Variants in LYRM7 observed in about 807,000 individuals in gnomAD.
The protein encoded by LYRM7 is LYR motif containing 7.
Under a neutral mutation model 15.8 loss-of-function variants are expected in LYRM7, and 9 were observed. The ratio of observed to expected loss-of-function variants is 0.57; its 90% CI spans 0.34 to 0.99. LYRM7 has a LOEUF of 0.99. LYRM7 is among the 50% of genes least tolerant of loss of function. LYRM7 has a pLI of 0.02. For missense variants in LYRM7, 115 were observed against 119.1 expected (o/e 0.97, Z 0.16); for synonymous variants, 39 against 39.4 (o/e 0.99, Z 0.04).
chr5:131,200,886 A>G lies in LYRM7; in HGVS notation c.*1285A>G, dbSNP rs1377128727. The G allele has an allele frequency of 6.6e-6, 1 of 151,892 alleles. No individual in the cohort carries two copies. Among genetic ancestry groups the G allele is most frequent in the Non-Finnish European group, 1.5e-5 (1 of 67,998 alleles). The allele number at this position is 151,892 out of a possible 1,614,324, so 9.4% of individuals were successfully genotyped here. A position where few individuals can be genotyped will look rare whatever the true frequency, so the allele number is the denominator to read the frequency against. ...TTTTATCACTGAGCTTTTTTCTTTA[A>G]CCTGAATTCCCTGTTCCATTTTTCA... On this transcript the variant is annotated 3_prime_UTR_variant, in exon 5 of 5. Transcript: ENST00000379380.
chr5:131,198,416 T>G (rs1756004838), intron 4 of LYRM7, among the ~76,000 whole-genome samples: 1 of 152,198 alleles, frequency 6.6e-6, no homozygotes, highest in Non-Finnish European at 1.5e-5. Flanking sequence ...CCTTCAGTCT[T>G]TCTTCGTCTT....
chr5:131,178,105 A>T (rs1755629708), intron 1 of LYRM7, among the ~76,000 whole-genome samples: 1 of 152,030 alleles, frequency 6.6e-6, no homozygotes, highest in African/African-American at 2.4e-5. Context: ...TTTTATTTTT[A>T]AATTTTTTTG....
At chr5:131,175,749 G>GGTTTGGTTTGGTTTTGTTTT (rs138957867) in intron 1 of LYRM7, among the ~76,000 whole-genome samples, 1 of 150,990 alleles carries the variant, frequency 6.6e-6, no homozygotes, top group African/African-American at 2.5e-5. Flanking sequence ...TGCCCAGGCT[G>GGTTTGGTTTGGTTTTGTTTT]GTTTTGTTTT....
Position 131,192,484 on chromosome 5 carries a change from T to C in LYRM7, c.244+5375T>C, listed in dbSNP as rs181100191. On this transcript the variant is annotated intron_variant, in intron 4 of 4. Coordinates refer to ENST00000379380, the MANE Select transcript of LYRM7 (RefSeq NM_181705.4). ...TCATAGATATGCTAATTACCCTGATTTGATCATCACACATATACATGCATT... is the reference window on the plus strand; with the variant it reads ...TCATAGATATGCTAATTACCCTGATCTGATCATCACACATATACATGCATT... Among the ~76,000 whole-genome samples the C allele has an allele frequency of 4.6e-5, 7 of 152,346 alleles. No individual in the cohort carries two copies. The East Asian group carries it at 1.3e-3, about 29-fold the overall frequency.
chr5:131,176,884 T>C lies in LYRM7; in HGVS notation c.19-3211T>C, dbSNP rs979917909. On this transcript the variant is annotated intron_variant, in intron 1 of 4. Transcript: ENST00000379380. ...TCTCCAGCAGCTGCTGCAAAGGACA[T>C]GATTTCATTCTTTTTTAGTATTCTA... is the stretch of plus-strand genomic sequence containing the variant. 2.0e-5 allele frequency among the ~76,000 whole-genome samples: 3 copies of C among 152,310 alleles called. No individual in the cohort carries two copies. The East Asian group carries it at 5.8e-4, about 29-fold the overall frequency.
chr5:131,196,265 C>T (rs1755964015), intron 4 of LYRM7, among the ~76,000 whole-genome samples: 1 of 151,934 alleles, frequency 6.6e-6, no homozygotes, highest in African/African-American at 2.4e-5. Flanking sequence ...AATCCAACCA[C>T]CTCGGCCTCC....
Position 131,170,990 on chromosome 5 carries a change from T to C in LYRM7, c.-31T>C. On this transcript the variant is annotated 5_prime_UTR_variant, in exon 1 of 5. Transcript: ENST00000379380. ...CTGAGAGGCGGGGCTACTCGACTGCTCTGGAGGTAGCGGCCGCGGTGAGGA... is the reference window on the plus strand; with the variant it reads ...CTGAGAGGCGGGGCTACTCGACTGCCCTGGAGGTAGCGGCCGCGGTGAGGA... 6.5e-7 allele frequency: 1 copy of C among 1,539,422 alleles called. No homozygotes were observed. Among genetic ancestry groups the C allele is most frequent in the Non-Finnish European group, 8.7e-7 (1 of 1,147,748 alleles).
chr5:131,175,197 CTTTT>C (rs59140330), intron 1 of LYRM7, among the ~76,000 whole-genome samples: 5 of 125,602 alleles, frequency 4.0e-5, no homozygotes, highest in East Asian at 2.2e-4. Context: ...GCTTCAATCT[CTTTT>C]TTTTTTTTTT....
chr5:131,178,604 T>C (rs1255600322), intron 1 of LYRM7, among the ~76,000 whole-genome samples: 1 of 152,220 alleles, frequency 6.6e-6, no homozygotes, highest in Non-Finnish European at 1.5e-5. Context: ...TCTCTCTTTT[T>C]ATTTTTTTCA....
intron 1 of LYRM7, chr5:131,171,557 G>A (rs1755522882): frequency 6.6e-6 from 1 of 152,406 alleles, no homozygotes; most frequent in Non-Finnish European, 1.5e-5. Flanking sequence ...CACTGAATGA[G>A]CTTGGGATGT....
At position 131,181,337 on chromosome 5, in the gene LYRM7, A is replaced by ATAACATATATGTTATATATATAT. The variant is rs1314446316; in HGVS notation, c.92-881_92-859dup. ...TATATACACACACACACACATATATATAACATATATGTTATATATATATTA... is the reference window on the plus strand; with the variant it reads ...TATATACACACACACACACATATATATAACATATATGTTATATATATATTAACATATATGTTATATATATATTA... On this transcript the variant is annotated intron_variant, in intron 2 of 4. Coordinates refer to ENST00000379380, the MANE Select transcript of LYRM7 (RefSeq NM_181705.4). 2.6e-5 allele frequency among the ~76,000 whole-genome samples: 2 copies of ATAACATATATGTTATATATATAT among 77,910 alleles called. 1 individual carries two copies. Among genetic ancestry groups the ATAACATATATGTTATATATATAT allele is most frequent in the African/African-American group, 1.4e-4 (2 of 14,192 alleles). 51.1% of individuals were successfully genotyped at this position (77,910 alleles called of 152,430 possible). A position where few individuals can be genotyped will look rare whatever the true frequency, so the allele number is the denominator to read the frequency against.
intron 1 of LYRM7, among the ~76,000 whole-genome samples, chr5:131,179,591 C>T (rs1459103454): frequency 6.6e-6 from 1 of 151,038 alleles, no homozygotes; most frequent in Non-Finnish European, 1.5e-5. Flanking sequence ...ACTTCAGCCG[C>T]CCAAGTAGCT....
chr5:131,185,098 T>A (rs1755776726), intron 3 of LYRM7, among the ~76,000 whole-genome samples: 1 of 152,042 alleles, frequency 6.6e-6, no homozygotes, highest in Non-Finnish European at 1.5e-5. Context: ...TTAATGGGCC[T>A]CCTGCTTCTA....
At chr5:131,189,209 C>T (rs1458097858) in intron 4 of LYRM7, among the ~76,000 whole-genome samples, 18 of 150,820 alleles carry the variant, frequency 1.2e-4, no homozygotes, top group Non-Finnish European at 1.6e-4. Context: ...TTTGGGAGGC[C>T]GAGGCGGGCG....
At chr5:131,183,778 CA>C (rs757368345) in intron 3 of LYRM7, among the ~76,000 whole-genome samples, 37 of 151,852 alleles carry the variant, frequency 2.4e-4, no homozygotes, top group Non-Finnish European at 4.0e-4. Flanking sequence ...TTGAGGACCC[CA>C]AAAAGCTTTG....
chr5:131,188,000 T>TA (rs996034499), intron 4 of LYRM7, among the ~76,000 whole-genome samples: 99 of 152,190 alleles, frequency 6.5e-4, no homozygotes, highest in African/African-American at 2.3e-3. Context: ...CTCATTCCTG[T>TA]AATCCCAGCA....
rs978053999 is a variant in LYRM7 at position 131,203,191 on chromosome 5, A to C, written c.*3590A>C. 6.6e-6 allele frequency: 1 copy of C among 152,386 alleles called. No individual in the cohort carries two copies. Among genetic ancestry groups the C allele is most frequent in the Non-Finnish European group, 1.5e-5 (1 of 68,050 alleles). The allele number at this position is 152,386 out of a possible 1,614,324, so 9.4% of individuals were successfully genotyped here. A position where few individuals can be genotyped will look rare whatever the true frequency, so the allele number is the denominator to read the frequency against. On this transcript the variant is annotated 3_prime_UTR_variant, in exon 5 of 5. Transcript: ENST00000379380. ...AGTTTTCTGAAGCCAAAGTGGATAC[A>C]TGCAAAATTAATATAGTTTTACTGT... is the stretch of plus-strand genomic sequence containing the variant.
rs760021801 is a variant in LYRM7 at position 131,188,409 on chromosome 5, T to TAA, written c.244+1320_244+1321dup. Among the ~76,000 whole-genome samples the TAA allele has an allele frequency of 8.8e-3, 1,143 of 129,400 alleles. 19 individuals are homozygous for TAA. The highest frequency in any genetic ancestry group is 0.027 in the African/African-American group (965 of 35,094). 84.9% of individuals were successfully genotyped at this position (129,400 alleles called of 152,430 possible). ...ACCAACATGTAAAACAAGCCACATG[T>TAA]AAAAAAAAAAAAAAAAAAAAATTGG... On this transcript the variant is annotated intron_variant, in intron 4 of 4. Coordinates refer to ENST00000379380, the MANE Select transcript of LYRM7 (RefSeq NM_181705.4).
intron 3 of LYRM7, 31 bp downstream of exon 3, chr5:131,182,330 T>G (rs1268018257): frequency 3.8e-6 from 5 of 1,328,848 alleles, no homozygotes; most frequent in Non-Finnish European, 5.0e-6. Flanking sequence ...ATAGTAAAAC[T>G]TATACAATTA....
Sources: allele counts gnomAD v4.1 joint callset (sites outside exome capture counted in the v4.1 genomes callset), GRCh38; gene constraint gnomAD v4.1.1; transcripts MANE v1.5; gene names NCBI Gene and HGNC (gene_info 2026-07-23, HGNC 2026-07-21).